Variants in UIMC1 observed in about 807,000 individuals in gnomAD.
UIMC1 encodes the protein BRCA1-A complex subunit RAP80.
UIMC1 carries 42 observed loss-of-function variants against 84.9 expected under a neutral mutation model. The observed-to-expected ratio is 0.49, with a 90% CI of 0.39 to 0.64. The LOEUF is 0.64. Among genes scored for constraint, UIMC1 ranks in the 30% least tolerant of loss-of-function variants. UIMC1 has a pLI of 0.00. For missense variants in UIMC1, 825 were observed against 847.6 expected (o/e 0.97, Z 0.33); for synonymous variants, 281 against 293.0 (o/e 0.96, Z 0.42).
intron 3 of UIMC1, among the ~76,000 whole-genome samples, chr5:176,972,668 G>A (rs980364831): frequency 2.2e-4 from 34 of 151,956 alleles, no homozygotes; most frequent in African/African-American, 7.5e-4. Context: ...CCCGGGAGGC[G>A]GAGGTTGCAG....
At chr5:176,927,752 T>C (rs927693406) in intron 10 of UIMC1, among the ~76,000 whole-genome samples, 1 of 151,524 alleles carries the variant, frequency 6.6e-6, no homozygotes, top group African/African-American at 2.4e-5. Flanking sequence ...CTCAGCCGGG[T>C]GTGGCCTGTT....
intron 1 of UIMC1, among the ~76,000 whole-genome samples, chr5:176,995,773 G>A (rs1773514783): frequency 6.7e-6 from 1 of 149,782 alleles, no homozygotes; most frequent in Admixed American, 6.7e-5. Flanking sequence ...AACCTGGGAG[G>A]CAGAGGTTGC....
Position 177,001,109 on chromosome 5 carries a change from A to C in UIMC1, c.-9+5541T>G, listed in dbSNP as rs189340058. 4.9e-3 allele frequency among the ~76,000 whole-genome samples: 746 copies of C among 152,294 alleles called. 8 individuals are homozygous for C. Among genetic ancestry groups the C allele is most frequent in the African/African-American group, 0.015 (606 of 41,576 alleles). On this transcript the variant is annotated intron_variant, in intron 1 of 14. Transcript: ENST00000511320. ...GACCAATGTCCTAGAGAGTTTCCCC[A>C]AAGTTTTCTTGTAGTAATTTCATAG...
Position 176,906,119 on chromosome 5 carries a change from T to C in UIMC1, c.1913-72A>G, listed in dbSNP as rs1759333081. ...ATCATAGCACTTCTCACTGATCTTT[T>C]GCTTCCGTGCTCTAGGCACTGCTTC... On this transcript the variant is annotated intron_variant, in intron 13 of 14. Transcript: ENST00000511320. The C allele has an allele frequency of 3.4e-6, 5 of 1,477,098 alleles. No homozygotes were observed. The East Asian group carries it at 1.2e-4, about 34-fold the overall frequency. The allele number at this position is 1,477,098 out of a possible 1,614,324, so 91.5% of individuals were successfully genotyped here.
In UIMC1 at chr5:177,012,046, C is replaced by T. The variant is rs140345559; in HGVS notation, c.-9+10418G>A. On this transcript the variant is annotated intron_variant, in intron 1 of 5. Coordinates refer to the UIMC1 transcript ENST00000509236. ...CGATCTCCTGACCTCATGATCCGCC[C>T]GTCTTGGCCTCCCAAAGTGCTGGGA... Among the ~76,000 whole-genome samples the T allele has an allele frequency of 9.2e-3, 1,395 of 152,214 alleles. 8 individuals are homozygous for T. The highest frequency in any genetic ancestry group is 0.025 in the South Asian group (121 of 4,824).
At chr5:176,967,020 CAAG>C (rs1768406333) in intron 6 of UIMC1, among the ~76,000 whole-genome samples, 1 of 152,128 alleles carries the variant, frequency 6.6e-6, no homozygotes, top group African/African-American at 2.4e-5. Context: ...TGGCAAAGAT[CAAG>C]AAGTCTGACA....
intron 1 of UIMC1, among the ~76,000 whole-genome samples, chr5:177,020,890 G>T (rs1057387714): frequency 6.6e-6 from 1 of 152,148 alleles, no homozygotes; most frequent in African/African-American, 2.4e-5. Context: ...AAATAAGCTA[G>T]TAATATTAAA....
rs1380863963 is a variant in UIMC1 at position 176,906,046 on chromosome 5, A to C, written c.1914T>G (p.Asp638Glu). The C allele has an allele frequency of 1.2e-6, 2 of 1,613,896 alleles. No individual in the cohort carries two copies. The highest frequency in any genetic ancestry group is 2.2e-5 in the East Asian group (1 of 44,886). ...FLEQSEHKTS[D>E]ADIKSSETGA... ...CTGTTTCTGAAGACTTGATGTCTGC[A>C]TCTGTGATATAAAAGAAAAAATAAT... The change falls in exon 14 of 15, where the codon GAT becomes GAG. Residue 638 changes from aspartate to glutamate, a missense_variant and splice_region_variant. Asp to Glu is a conservative substitution (Grantham distance 45). Coordinates refer to ENST00000511320, the MANE Select transcript of UIMC1 (RefSeq NM_001199298.2).
At chr5:176,920,829 G>T (rs949072918) in intron 10 of UIMC1, among the ~76,000 whole-genome samples, 6 of 152,184 alleles carry the variant, frequency 3.9e-5, no homozygotes, top group Non-Finnish European at 8.8e-5. Flanking sequence ...AATGGAAGTG[G>T]CAAGAATGAA....
chr5:176,960,632 CGT>C (rs1468066821), intron 6 of UIMC1, among the ~76,000 whole-genome samples: 1 of 1,698 alleles, frequency 5.9e-4, no homozygotes, highest in Non-Finnish European at 1.2e-3. Flanking sequence ...CCTCCCCCTC[CGT>C]CTCCGTCTCC....
chr5:176,968,239 G>GC (rs976760836), intron 6 of UIMC1, among the ~76,000 whole-genome samples: 1 of 152,048 alleles, frequency 6.6e-6, no homozygotes, highest in Admixed American at 6.5e-5. Context: ...GGGCATAGTG[G>GC]CAAGCACCTG....
chr5:176,939,730 A>C (rs1317476419), intron 10 of UIMC1, among the ~76,000 whole-genome samples: 1 of 152,216 alleles, frequency 6.6e-6, no homozygotes, highest in African/African-American at 2.4e-5. Flanking sequence ...CCCATCACTG[A>C]GCAACACGTG....
intron 10 of UIMC1, among the ~76,000 whole-genome samples, chr5:176,929,938 TAGTA>T (rs1307812509): frequency 3.3e-5 from 5 of 152,244 alleles, no homozygotes; most frequent in Middle Eastern, 6.8e-3. Flanking sequence ...ATAAAGATAA[TAGTA>T]AGTAAGTTTC....
Position 176,982,502 on chromosome 5 carries a change from ATCC to A in UIMC1, c.111_113del (p.Glu37del), listed in dbSNP as rs764052054. The A allele has an allele frequency of 1.2e-6, 2 of 1,614,052 alleles. No homozygotes were observed. Among genetic ancestry groups the A allele is most frequent in the Non-Finnish European group, 1.7e-6 (2 of 1,180,000 alleles). On this transcript the variant is annotated inframe_deletion, in exon 2 of 15. Transcript: ENST00000511320. ...CACTATCGGATATCACAATGAATGC[ATCC>A]TCAAGTCTACGCTTCCTCTTCACAC...
intron 1 of UIMC1, among the ~76,000 whole-genome samples, chr5:177,004,475 A>G (rs1774992871): frequency 6.6e-6 from 1 of 152,204 alleles, no homozygotes. Flanking sequence ...TCAAAGATGA[A>G]GAACTCACTA....
chr5:176,921,503 T>A (rs1286087857), intron 10 of UIMC1, among the ~76,000 whole-genome samples: 1 of 152,194 alleles, frequency 6.6e-6, no homozygotes, highest in East Asian at 1.9e-4. Flanking sequence ...CTTAATTTCT[T>A]CCTCCAAACC....
At chr5:176,987,463 T>C (rs1486828925) in intron 1 of UIMC1, among the ~76,000 whole-genome samples, 1 of 151,226 alleles carries the variant, frequency 6.6e-6, no homozygotes, top group Non-Finnish European at 1.5e-5. Context: ...CTGGCCAACA[T>C]GGTGAAACCC....
intron 9 of UIMC1, among the ~76,000 whole-genome samples, chr5:176,947,217 C>A (rs1369385818): frequency 1.3e-5 from 2 of 151,980 alleles, no homozygotes; most frequent in Non-Finnish European, 2.9e-5. Context: ...GTATTTTTTC[C>A]CAGCATCATT....
chr5:176,979,544 A>G (rs1418241013), intron 2 of UIMC1, among the ~76,000 whole-genome samples: 4 of 151,874 alleles, frequency 2.6e-5, no homozygotes, highest in Non-Finnish European at 5.9e-5. Context: ...CGGACGTCGC[A>G]GTGAGCCGAG....
Sources: gnomAD v4.1 joint callset for allele counts (sites outside exome capture counted in the v4.1 genomes callset) on GRCh38, gnomAD v4.1.1 for gene constraint, MANE v1.5 for transcripts, NCBI Gene and HGNC (gene_info 2026-07-23, HGNC 2026-07-21) for gene names.